SLC28A3: variants seen among roughly 807,000 people sequenced by gnomAD.
The protein encoded by SLC28A3 is solute carrier family 28 member 3, also known as concentrative Na(+)-nucleoside cotransporter 3.
SLC28A3 carries 68 observed loss-of-function variants against 84.2 expected under a neutral mutation model. The observed-to-expected ratio is 0.81, with a 90% confidence interval of 0.66 to 0.99. The LOEUF (loss-of-function observed/expected upper bound fraction) is 0.99, where lower values mean the gene tolerates loss of function less well. SLC28A3 is among the 50% of genes least tolerant of loss of function. The pLI is 0.00. For missense variants in SLC28A3, 712 were observed against 841.5 expected, an observed-to-expected ratio of 0.85 and a Z score of 1.90; for synonymous variants, 267 against 303.6, an observed-to-expected ratio of 0.88 and a Z score of 1.25.
At chr9:84,309,068 G>T (rs1825893502) in intron 3 of SLC28A3, among the ~76,000 whole-genome samples, 1 of 152,178 alleles carries the variant, frequency 6.6e-6, no homozygotes, top group Non-Finnish European at 1.5e-5. Context: ...ACTGTCCTGG[G>T]TGAATTTAAA....
chr9:84,292,477 C>CTCTCTG (rs1825268886), intron 10 of SLC28A3, 191 bp downstream of exon 10: 3 of 177,782 alleles, frequency 1.7e-5, no homozygotes, highest in African/African-American at 7.7e-5. Context: ...CTCTCTCTGT[C>CTCTCTG]TCTCTCTCTC....
chr9:84,346,788 A>C, the SLC28A3 span, among the ~76,000 whole-genome samples: 2 of 152,186 alleles, frequency 1.3e-5, no homozygotes, highest in Non-Finnish European at 2.9e-5. Context: ...CAGAGCACTT[A>C]ACACAGCCAA....
At chr9:84,285,842 G>A (rs1469910615) in intron 13 of SLC28A3, 101 bp downstream of exon 13, 2 of 1,323,556 alleles carry the variant, frequency 1.5e-6, no homozygotes, top group East Asian at 2.5e-5. Flanking sequence ...CGGTGTGGAA[G>A]AGTCTACTGA....
intron 8 of SLC28A3, among the ~76,000 whole-genome samples, chr9:84,294,895 G>C (rs925548214): frequency 7.0e-6 from 1 of 142,946 alleles, no homozygotes; most frequent in Non-Finnish European, 1.5e-5. Flanking sequence ...TCCGTGGAAA[G>C]CAGGCCATAT....
intron 14 of SLC28A3, among the ~76,000 whole-genome samples, chr9:84,282,382 T>C (rs2118059231): frequency 6.6e-6 from 1 of 152,258 alleles, no homozygotes; most frequent in East Asian, 1.9e-4. Context: ...TAAGTTGGTA[T>C]ATAAATTATA....
intron 8 of SLC28A3, among the ~76,000 whole-genome samples, chr9:84,295,224 T>C (rs1385457208): frequency 6.6e-6 from 1 of 152,164 alleles, no homozygotes; most frequent in East Asian, 1.9e-4. Flanking sequence ...TGATTTTACC[T>C]ATAGATTTTC....
At chr9:84,327,167 C>CT (rs1173963603) in intron 1 of SLC28A3, among the ~76,000 whole-genome samples, 1 of 152,034 alleles carries the variant, frequency 6.6e-6, no homozygotes, top group Admixed American at 6.6e-5. Flanking sequence ...TTCTCCTTTC[C>CT]TTTTTCTGTG....
At position 84,305,756 on chromosome 9, in the gene SLC28A3, T is replaced by C. The variant is rs557248873; in HGVS notation, c.243-411A>G. On this transcript the variant is annotated intron_variant, in intron 3 of 17. Transcript: ENST00000376238. The stretch of plus-strand genomic sequence containing the variant: ...GAAAATAAAAAGCCAAGGAACTCTG[T>C]CATCCCTCTTGGTTTGGCAAAGTTT... Among the ~76,000 whole-genome samples the C allele has an allele frequency of 2.6e-5, 4 of 152,348 alleles. No homozygotes were observed. In the East Asian group the frequency reaches 5.8e-4, roughly 22 times the overall value.
the SLC28A3 span, among the ~76,000 whole-genome samples, chr9:84,367,980 C>A: frequency 6.6e-6 from 1 of 152,238 alleles, no homozygotes; most frequent in African/African-American, 2.4e-5. Flanking sequence ...CGCAAAGAGG[C>A]CTTCCTCTCT....
chr9:84,344,821 T>A (rs1827224085), upstream of SLC28A3, among the ~76,000 whole-genome samples: 1 of 152,202 alleles, frequency 6.6e-6, no homozygotes, highest in African/African-American at 2.4e-5. Flanking sequence ...TGCTTTGAGT[T>A]GTCCTGCCTT....
In SLC28A3 at chr9:84,302,333, G is replaced by A. The variant is rs1825664373; in HGVS notation, c.391C>T (p.Leu131Phe). The A allele has an allele frequency of 1.2e-6, 2 of 1,614,148 alleles. No homozygotes were observed. Among genetic ancestry groups the A allele is most frequent in the Non-Finnish European group, 1.7e-6 (2 of 1,180,008 alleles). Residue 131 changes from leucine to phenylalanine, a missense_variant, in exon 5 of 18, where the codon CTT (leucine) becomes TTT (phenylalanine). Transcript: ENST00000376238. ...CVLNFHRALP[L>F]FVITVAAIFF... ...ATGGCAGCCACGGTGATCACAAAAA[G>A]AGGAAGGGCTCTGTGAAAGTTCAGC...
At chr9:84,356,780 G>C in the SLC28A3 span, among the ~76,000 whole-genome samples, 6 of 151,944 alleles carry the variant, frequency 3.9e-5, no homozygotes, top group African/African-American at 1.5e-4. Flanking sequence ...GCAGTGAGCT[G>C]AGATCACGCC....
At chr9:84,325,571 G>A (rs955155881) in intron 1 of SLC28A3, among the ~76,000 whole-genome samples, 4 of 152,186 alleles carry the variant, frequency 2.6e-5, no homozygotes, top group African/African-American at 7.2e-5. Context: ...CTAGCTTTCT[G>A]TTTCCAGCTC....
At position 84,294,293 on chromosome 9, in the gene SLC28A3, A is replaced by G; in HGVS notation, c.862-18T>C. ...GGCAGGACCTGTGGGGACAGAAACA[A>G]ACATGGATTAATGATGGGTCCAGCT... On this transcript the variant is annotated intron_variant, in intron 8 of 17. Transcript: ENST00000376238. 1.2e-6 allele frequency: 2 copies of G among 1,613,546 alleles called. No individual in the cohort carries two copies. Among genetic ancestry groups the G allele is most frequent in the South Asian group, 2.2e-5 (2 of 91,060 alleles).
chr9:84,363,238 G>A, the SLC28A3 span, among the ~76,000 whole-genome samples: 1 of 152,192 alleles, frequency 6.6e-6, no homozygotes, highest in Admixed American at 6.5e-5. Context: ...TATATTAGGA[G>A]ATTGAACGAA....
chr9:84,351,251 T>G, the SLC28A3 span, among the ~76,000 whole-genome samples: 1 of 152,202 alleles, frequency 6.6e-6, no homozygotes, highest in East Asian at 1.9e-4. Context: ...CGTGATAAAA[T>G]TTTTTCAGCT....
intron 1 of SLC28A3, among the ~76,000 whole-genome samples, chr9:84,333,217 C>A (rs140570117): frequency 4.7e-4 from 72 of 152,272 alleles, no homozygotes; most frequent in Admixed American, 2.2e-3. Flanking sequence ...ATCAGATATG[C>A]ATTTGTATCT....
the SLC28A3 span, among the ~76,000 whole-genome samples, chr9:84,364,120 C>CTTTT: frequency 1.2e-5 from 1 of 85,292 alleles, no homozygotes; most frequent in Non-Finnish European, 2.1e-5. Flanking sequence ...CAGTTACACT[C>CTTTT]TTTTTTTTTT....
the SLC28A3 span, among the ~76,000 whole-genome samples, chr9:84,362,540 G>A: frequency 6.6e-6 from 1 of 152,070 alleles, no homozygotes; most frequent in Non-Finnish European, 1.5e-5. Flanking sequence ...GCTGAGGCAA[G>A]AGAATTGCTT....
Sources: allele counts gnomAD v4.1 joint callset (sites outside exome capture counted in the v4.1 genomes callset), GRCh38; gene constraint gnomAD v4.1.1; transcripts MANE v1.5; gene names NCBI Gene and HGNC (gene_info 2026-07-23, HGNC 2026-07-21).